THSD7B: variants seen among roughly 807,000 people sequenced by gnomAD.
THSD7B encodes the protein thrombospondin type-1 domain-containing protein 7B.
In THSD7B, 138 loss-of-function variants were observed where a neutral mutation model predicts 213.6. The observed-to-expected ratio is 0.65, with a 90% CI of 0.56 to 0.74. The LOEUF is 0.74. Among genes scored for constraint, THSD7B ranks in the 30% least tolerant of loss-of-function variants. The pLI is 0.00. For synonymous variants in THSD7B, 742 were observed against 687.0 expected (o/e 1.08, Z -1.25); for missense variants, 1,931 against 1,991.5 (o/e 0.97, Z 0.58).
chr2:137,335,310 A>G (rs1684613363), intron 12 of THSD7B, among the ~76,000 whole-genome samples: 1 of 152,222 alleles, frequency 6.6e-6, no homozygotes, highest in Non-Finnish European at 1.5e-5. Flanking sequence ...AAGGTAATGA[A>G]GGCACTGACT....
chr2:136,923,995 T>C (rs1027847885), intron 2 of THSD7B, among the ~76,000 whole-genome samples: 1 of 152,254 alleles, frequency 6.6e-6, no homozygotes, highest in African/African-American at 2.4e-5. Flanking sequence ...TTGTTCCCTG[T>C]GCTTTAGGTG....
chr2:136,765,815 G>C (rs1424342162), intron 1 of THSD7B, 128 bp downstream of exon 1: 1 of 152,042 alleles, frequency 6.6e-6, no homozygotes, highest in East Asian at 2.0e-4. Flanking sequence ...TTCCTCGCCG[G>C]ACAGCCATCG....
Position 137,615,821 on chromosome 2 carries a change from TAA to T in THSD7B, c.3424-345_3424-344del, listed in dbSNP as rs551697894. Among the ~76,000 whole-genome samples the T allele has an allele frequency of 9.7e-4, 145 of 149,698 alleles. 3 individuals are homozygous for T. Among genetic ancestry groups the T allele is most frequent in the South Asian group, 7.4e-3 (35 of 4,740 alleles). ...TCACAGGGCAGTTTCTTCCTTTTTT[TAA>T]AAAAAAAAGCATTTAAACATTCAAA... On this transcript the variant is annotated intron_variant, in intron 17 of 27. Coordinates refer to ENST00000409968, the MANE Select transcript of THSD7B (RefSeq NM_001316349.2).
chr2:136,925,979 A>G (rs1346690332), intron 2 of THSD7B, among the ~76,000 whole-genome samples: 1 of 152,230 alleles, frequency 6.6e-6, no homozygotes, highest in Non-Finnish European at 1.5e-5. Context: ...ACACAACTGT[A>G]TAATAATATA....
chr2:136,795,481 G>A (rs372735184), intron 1 of THSD7B, among the ~76,000 whole-genome samples: 3 of 151,904 alleles, frequency 2.0e-5, no homozygotes, highest in African/African-American at 4.8e-5. Flanking sequence ...TGCAAAGTCC[G>A]TTTTGCTGTG....
chr2:137,089,204 C>T (rs1687899653), intron 3 of THSD7B, among the ~76,000 whole-genome samples: 1 of 151,196 alleles, frequency 6.6e-6, no homozygotes. Flanking sequence ...AATGTAGAAC[C>T]AACCCAAATG....
At chr2:136,779,119 T>G (rs931604684) in intron 1 of THSD7B, among the ~76,000 whole-genome samples, 3 of 152,188 alleles carry the variant, frequency 2.0e-5, no homozygotes, top group Admixed American at 6.5e-5. Flanking sequence ...TAAACTTGAG[T>G]ACATTGGATC....
intron 14 of THSD7B, among the ~76,000 whole-genome samples, chr2:137,437,602 T>C (rs1470078254): frequency 6.6e-6 from 1 of 152,106 alleles, no homozygotes; most frequent in Admixed American, 6.6e-5. Flanking sequence ...GAAGTCCCTA[T>C]GAGTCATTTC....
In THSD7B at chr2:136,990,850, T is replaced by G. The variant is rs747306677; in HGVS notation, c.140-65570T>G. ...TCTGAGTACTGAGCATTTTCACAAATTAAAATTCCCTTTAAGAAGTAAAAT... is the reference window on the plus strand; with the variant it reads ...TCTGAGTACTGAGCATTTTCACAAAGTAAAATTCCCTTTAAGAAGTAAAAT... On this transcript the variant is annotated intron_variant, in intron 2 of 27. Transcript: ENST00000409968. 9.6e-5 allele frequency: 127 copies of G among 1,316,978 alleles called. 1 individual carries two copies. In the South Asian group the frequency reaches 1.4e-3, roughly 15 times the overall value. 81.6% of individuals were successfully genotyped at this position (1,316,978 alleles called of 1,614,324 possible). A position where few individuals can be genotyped will look rare whatever the true frequency, so the allele number is the denominator to read the frequency against.
In THSD7B at chr2:137,250,988, G is replaced by T. The variant is rs1490968326; in HGVS notation, c.2266+8416G>T. On this transcript the variant is annotated intron_variant, in intron 10 of 27. Transcript: ENST00000409968. ...TGTTTGCAGTCTGGCTATTGGTAAAGGTGTTTTGTGTTCCTCTGAAGGATT... is the reference window on the plus strand; with the variant it reads ...TGTTTGCAGTCTGGCTATTGGTAAATGTGTTTTGTGTTCCTCTGAAGGATT... Among the ~76,000 whole-genome samples the T allele has an allele frequency of 2.6e-5, 4 of 152,154 alleles. No individual in the cohort carries two copies. In the East Asian group the frequency reaches 7.7e-4, roughly 29 times the overall value.
intron 5 of THSD7B, among the ~76,000 whole-genome samples, chr2:137,143,409 G>T (rs1679631308): frequency 6.6e-6 from 1 of 152,156 alleles, no homozygotes; most frequent in Admixed American, 6.6e-5. Context: ...GCTTTGCCTT[G>T]AGGAAGCAGG....
At chr2:137,324,569 G>C (rs943439242) in intron 12 of THSD7B, among the ~76,000 whole-genome samples, 1 of 151,988 alleles carries the variant, frequency 6.6e-6, no homozygotes, top group Non-Finnish European at 1.5e-5. Context: ...TAGTTAAAGG[G>C]GTATAAATTA....
At chr2:137,321,579 C>T (rs1684265308) in intron 12 of THSD7B, among the ~76,000 whole-genome samples, 1 of 152,134 alleles carries the variant, frequency 6.6e-6, no homozygotes, top group Non-Finnish European at 1.5e-5. Flanking sequence ...TAGTCTGGCA[C>T]ATCAACAGCT....
intron 3 of THSD7B, among the ~76,000 whole-genome samples, chr2:137,066,960 G>A (rs1381882793): frequency 6.6e-6 from 1 of 151,966 alleles, no homozygotes; most frequent in African/African-American, 2.4e-5. Context: ...CCTAAACTCC[G>A]TCCAGTCTGT....
intron 2 of THSD7B, among the ~76,000 whole-genome samples, chr2:137,044,079 C>T (rs1213317819): frequency 1.3e-5 from 2 of 152,144 alleles, no homozygotes; most frequent in African/African-American, 2.4e-5. Context: ...TTTCTCGCTG[C>T]TTCTGGGGTT....
At chr2:137,118,657 T>G (rs1688487203) in intron 5 of THSD7B, among the ~76,000 whole-genome samples, 1 of 152,150 alleles carries the variant, frequency 6.6e-6, no homozygotes, top group Admixed American at 6.5e-5. Flanking sequence ...TTGCCCCCTC[T>G]GCACTAATAA....
chr2:136,939,134 C>T (rs1684778519), intron 2 of THSD7B, among the ~76,000 whole-genome samples: 1 of 151,938 alleles, frequency 6.6e-6, no homozygotes, highest in Non-Finnish European at 1.5e-5. Context: ...CTTTTCCATC[C>T]ATTTCGTTGG....
chr2:137,513,540 G>GAATTTAT lies in THSD7B; in HGVS notation c.3139-49679_3139-49678insTTTATAA, dbSNP rs1274385441. Among the ~76,000 whole-genome samples, 467 of 152,244 alleles carry GAATTTAT rather than the reference G, an allele frequency of 3.1e-3. 1 individual carries two copies. The highest frequency in any genetic ancestry group is 0.01 in the African/African-American group (435 of 41,544). ...ATATATTATATGCATTTTATAATTT[G>GAATTTAT]AAGTTTTTGATGATATACAGACACA... is the stretch of plus-strand genomic sequence containing the variant. On this transcript the variant is annotated intron_variant, in intron 15 of 27. Transcript: ENST00000409968.
chr2:137,375,156 A>G (rs1275308367), intron 12 of THSD7B, among the ~76,000 whole-genome samples: 1 of 152,214 alleles, frequency 6.6e-6, no homozygotes, highest in East Asian at 1.9e-4. Context: ...ATTGTTAGTC[A>G]CATTAAGGTT....
Sources: gnomAD v4.1 joint callset for allele counts (sites outside exome capture counted in the v4.1 genomes callset) on GRCh38, gnomAD v4.1.1 for gene constraint, MANE v1.5 for transcripts, NCBI Gene and HGNC (gene_info 2026-07-23, HGNC 2026-07-21) for gene names.